The following FBXL4 variants were observed in gnomAD, a reference collection of about 807,000 sequenced individuals.
FBXL4 encodes the protein F-box/LRR-repeat protein 4.
Under a neutral mutation model 58.9 loss-of-function variants are expected in FBXL4, and 40 were observed. The observed-to-expected ratio is 0.68, with a 90% CI of 0.53 to 0.88. The LOEUF (loss-of-function observed/expected upper bound fraction) is 0.88. Among genes scored for constraint, FBXL4 ranks in the 40% least tolerant of loss-of-function variants. The probability of loss-of-function intolerance (pLI) is 0.00; values close to 1 mark genes in which losing one functional copy is unlikely to be tolerated. For synonymous variants in FBXL4, 263 were observed against 265.5 expected, an observed-to-expected ratio of 0.99 and a Z score of 0.09; for missense variants, 676 against 734.4, an observed-to-expected ratio of 0.92 and a Z score of 0.92.
chr6:98,912,772 C>G (rs191650445), intron 5 of FBXL4, among the ~76,000 whole-genome samples: 147 of 151,674 alleles, frequency 9.7e-4, no homozygotes, highest in Non-Finnish European at 1.8e-3. Context: ...CATCAACTAA[C>G]GAGCAACATA....
intron 4 of FBXL4, among the ~76,000 whole-genome samples, chr6:98,920,563 T>G (rs1322264691): frequency 6.6e-6 from 1 of 152,070 alleles, no homozygotes; most frequent in African/African-American, 2.4e-5. Flanking sequence ...GACAGAAAAA[T>G]TATTTGAATT....
chr6:98,875,435 AACCTGGTAC>A lies in FBXL4; in HGVS notation c.1673_1681del (p.Cys558_Arg560del), dbSNP rs1770623827. On this transcript the variant is annotated inframe_deletion, in exon 9 of 10. Transcript: ENST00000369244. Reference sequence around the variant, plus strand: ...CTTACCTAATATGTCCAGCTGCTGTAACCTGGTACAATTACATGCCAATTCATCAATGTC... The same window carrying A: ...CTTACCTAATATGTCCAGCTGCTGTAAATTACATGCCAATTCATCAATGTC... 6.2e-7 allele frequency: 1 copy of A among 1,613,924 alleles called. No individual in the cohort carries two copies. The highest frequency in any genetic ancestry group is 8.5e-7 in the Non-Finnish European group (1 of 1,179,908).
intron 9 of FBXL4, among the ~76,000 whole-genome samples, chr6:98,875,067 C>T (rs1238081191): frequency 1.3e-5 from 2 of 152,116 alleles, no homozygotes; most frequent in Non-Finnish European, 2.9e-5. Context: ...AAAAAACTAG[C>T]TTGAATTCAT....
In FBXL4 at chr6:98,875,693, CCTATCATGCTAG is replaced by C; in HGVS notation, c.1412_1423del (p.Ala471_Ile474del). 1 of 1,613,802 alleles carries C rather than the reference CCTATCATGCTAG, an allele frequency of 6.2e-7. No individual in the cohort carries two copies. Among genetic ancestry groups the C allele is most frequent in the Non-Finnish European group, 8.5e-7 (1 of 1,179,978 alleles). ...GGTCCGGAGTTTTTTACACTTGGCT[CCTATCATGCTAG>C]CTATCACATCATAGTCTTCAATCTG... On this transcript the variant is annotated inframe_deletion, in exon 9 of 10. Coordinates refer to ENST00000369244, the MANE Select transcript of FBXL4 (RefSeq NM_001278716.2).
chr6:98,883,591 T>A (rs1170494735), intron 7 of FBXL4, among the ~76,000 whole-genome samples: 1 of 151,922 alleles, frequency 6.6e-6, no homozygotes, highest in East Asian at 1.9e-4. Flanking sequence ...CAACTACAAT[T>A]GATTCTTATA....
rs1770430912 is a variant in FBXL4, at chr6:98,869,230, ATGCAGCAC to A, written c.*5040_*5047del. The A allele has an allele frequency of 6.6e-6, 1 of 152,240 alleles. No homozygotes were observed. Among genetic ancestry groups the A allele is most frequent in the African/African-American group, 2.4e-5 (1 of 41,470 alleles). 9.4% of individuals were successfully genotyped at this position (152,240 alleles called of 1,614,324 possible). On this transcript the variant is annotated 3_prime_UTR_variant, in exon 10 of 10. Coordinates refer to ENST00000369244, the MANE Select transcript of FBXL4 (RefSeq NM_001278716.2). The stretch of plus-strand genomic sequence containing the variant: ...AAATGTGCTAAAAGGAGAAAAGTAG[ATGCAGCAC>A]TGATGTGTCAAAAATGACTTTGAAA...
intron 5 of FBXL4, among the ~76,000 whole-genome samples, chr6:98,912,471 T>C (rs1208305183): frequency 1.3e-5 from 2 of 152,136 alleles, no homozygotes; most frequent in Non-Finnish European, 2.9e-5. Context: ...GACTAACTGC[T>C]GACCTCTCGG....
At chr6:98,924,734 G>T (rs1037326306) in intron 4 of FBXL4, among the ~76,000 whole-genome samples, 2 of 152,156 alleles carry the variant, frequency 1.3e-5, no homozygotes, top group Non-Finnish European at 2.9e-5. Flanking sequence ...TCTCCAAGTT[G>T]AGCTGTACTC....
Position 98,870,041 on chromosome 6 carries a change from C to T in FBXL4, c.*4237G>A, listed in dbSNP as rs1443238456. ...TCAAAGCTAACAATGCATCACCTGG[C>T]TTCAAAATTTAACAAACAAAGAGTC... On this transcript the variant is annotated 3_prime_UTR_variant, in exon 10 of 10. Transcript: ENST00000369244. The T allele has an allele frequency of 6.6e-6, 1 of 152,158 alleles. No individual in the cohort carries two copies. The highest frequency in any genetic ancestry group is 2.4e-5 in the African/African-American group (1 of 41,430). The allele number at this position is 152,158 out of a possible 1,614,324, so 9.4% of individuals were successfully genotyped here.
intron 7 of FBXL4, chr6:98,899,009 AT>A (rs1771506402): frequency 1.0e-6 from 1 of 985,158 alleles, no homozygotes; most frequent in South Asian, 4.7e-5. Flanking sequence ...ACCAACGCTT[AT>A]TTTTTTTCCT....
chr6:98,944,587 AAGT>A (rs1440222352), intron 1 of FBXL4, among the ~76,000 whole-genome samples: 3 of 152,220 alleles, frequency 2.0e-5, no homozygotes, highest in South Asian at 2.1e-4. Flanking sequence ...CATATCATAT[AAGT>A]AGAGGCACTG....
rs991895189 is a variant in FBXL4 at position 98,869,992 on chromosome 6, T to C, written c.*4286A>G. 6.6e-6 allele frequency: 1 copy of C among 152,194 alleles called. No individual in the cohort carries two copies. The highest frequency in any genetic ancestry group is 6.5e-5 in the Admixed American group (1 of 15,278). The allele number at this position is 152,194 out of a possible 1,614,324, so 9.4% of individuals were successfully genotyped here. On this transcript the variant is annotated 3_prime_UTR_variant, in exon 10 of 10. Coordinates refer to ENST00000369244, the MANE Select transcript of FBXL4 (RefSeq NM_001278716.2). ...CTGAGCAAAATGCAAAGATAAATAA[T>C]TATACAAAAATTTAAGTCAGTTGTC... is the stretch of plus-strand genomic sequence containing the variant.
In FBXL4 at chr6:98,926,907, T is replaced by C; in HGVS notation, c.82A>G (p.Arg28Gly). 1 of 1,614,188 alleles carries C rather than the reference T, an allele frequency of 6.2e-7. No individual in the cohort carries two copies. Among genetic ancestry groups the C allele is most frequent in the South Asian group, 1.1e-5 (1 of 91,084 alleles). The change falls in exon 4 of 10, where the codon AGA becomes GGA. Residue 28 changes from arginine (R) to glycine (G), a missense_variant. By Grantham distance (125) the Arg-to-Gly change is moderately radical. Transcript: ENST00000369244. ...CLRRRARTATRGEMMNTHRAI... is the reference protein window; with the variant it reads ...CLRRRARTATGGEMMNTHRAI... ...CTATGGGTGTTCATCATTTCTCCTC[T>C]TGTAGCTGTCCTGGCTCGGCGCCGA...
chr6:98,879,313 G>A (rs1020445121), intron 8 of FBXL4, among the ~76,000 whole-genome samples: 3 of 152,176 alleles, frequency 2.0e-5, no homozygotes, highest in African/African-American at 7.2e-5. Flanking sequence ...ATGCAAGGCA[G>A]AAATGGAATG....
rs191395617 is a variant in FBXL4 at position 98,934,591 on chromosome 6, T to C, written c.-191+171A>G. ...TGTACTAGATCTTAAAAAACTAACATTGAAAAAATCTAACAGTGTCAGCAT... is the reference window on the plus strand; with the variant it reads ...TGTACTAGATCTTAAAAAACTAACACTGAAAAAATCTAACAGTGTCAGCAT... On this transcript the variant is annotated intron_variant, in intron 2 of 9. Coordinates refer to ENST00000369244, the MANE Select transcript of FBXL4 (RefSeq NM_001278716.2). 1.1e-3 allele frequency among the ~76,000 whole-genome samples: 172 copies of C among 152,304 alleles called. 1 individual carries two copies. Among genetic ancestry groups the C allele is most frequent in the Admixed American group, 1.8e-3 (27 of 15,304 alleles).
At chr6:98,917,022 T>C (rs1772385284) in intron 5 of FBXL4, among the ~76,000 whole-genome samples, 1 of 152,052 alleles carries the variant, frequency 6.6e-6, no homozygotes, top group African/African-American at 2.4e-5. Context: ...CAAATCATCT[T>C]TAACATAACT....
At chr6:98,899,539 C>T (rs1771529005) in intron 6 of FBXL4, 58 bp from the exon 7 acceptor site, 3 of 1,553,194 alleles carry the variant, frequency 1.9e-6, no homozygotes, top group South Asian at 2.4e-5. Flanking sequence ...TTTGCAAGAA[C>T]TTTGGAATTT....
chr6:98,880,530 A>G lies in FBXL4; in HGVS notation c.1389+23T>C, dbSNP rs182295874. ...AAAAGAGAACAAGTAATTGAGTAGT[A>G]TAAAGAATTCTCAAACACTTACCAT... On this transcript the variant is annotated intron_variant, in intron 8 of 9. Coordinates refer to ENST00000369244, the MANE Select transcript of FBXL4 (RefSeq NM_001278716.2). The G allele has an allele frequency of 1.5e-4, 242 of 1,599,778 alleles. 2 individuals carry two copies. The Admixed American group carries it at 4.0e-3, about 26-fold the overall frequency.
At position 98,869,569 on chromosome 6, in the gene FBXL4, C is replaced by CAGT. The variant is rs1221967463; in HGVS notation, c.*4706_*4708dup. The CAGT allele has an allele frequency of 6.6e-6, 1 of 152,468 alleles. No individual in the cohort carries two copies. Among genetic ancestry groups the CAGT allele is most frequent in the African/African-American group, 2.4e-5 (1 of 41,448 alleles). 9.4% of individuals were successfully genotyped at this position (152,468 alleles called of 1,614,324 possible). On this transcript the variant is annotated 3_prime_UTR_variant, in exon 10 of 10. Coordinates refer to ENST00000369244, the MANE Select transcript of FBXL4 (RefSeq NM_001278716.2). ...GCTTGAGCCTGGGAGACTGAGGCTG[C>CAGT]AGTAAGCTGAGATCATGCCACTGCA...
Sources: gnomAD v4.1 joint callset for allele counts (sites outside exome capture counted in the v4.1 genomes callset) on GRCh38, gnomAD v4.1.1 for gene constraint, MANE v1.5 for transcripts, NCBI Gene and HGNC (gene_info 2026-07-23, HGNC 2026-07-21) for gene names.